Variants in KSR2 observed in about 807,000 individuals in gnomAD.
KSR2 encodes the protein kinase suppressor of ras 2.
Under a neutral mutation model 107.8 loss-of-function variants are expected in KSR2, and 25 were observed. The observed-to-expected ratio is 0.23, with a 90% CI of 0.17 to 0.32. The LOEUF is 0.32. Ranked by LOEUF, KSR2 falls within the 10% of genes least tolerant of loss-of-function variation. The pLI, the probability that KSR2 is intolerant of heterozygous loss-of-function variation, is 1.00. For synonymous variants in KSR2, 480 were observed against 507.0 expected (o/e 0.95, Z 0.71); for missense variants, 887 against 1,268.9 (o/e 0.70, Z 4.57).
chr12:117,746,008 A>G (rs1416793256), intron 4 of KSR2, among the ~76,000 whole-genome samples: 1 of 152,234 alleles, frequency 6.6e-6, no homozygotes, highest in Non-Finnish European at 1.5e-5. Context: ...TTTACTGCCC[A>G]AAGTAATTTA....
At chr12:117,731,087 C>T (rs557758307) in intron 4 of KSR2, among the ~76,000 whole-genome samples, 1,820 of 151,244 alleles carry the variant, frequency 0.012, 41 homozygotes, top group African/African-American at 0.042. Context: ...GGCCACCCAT[C>T]GTCTGGGATG....
intron 5 of KSR2, among the ~76,000 whole-genome samples, chr12:117,626,766 C>T (rs1882543062): frequency 6.6e-6 from 1 of 152,104 alleles, no homozygotes; most frequent in Admixed American, 6.6e-5. Flanking sequence ...TCCTTGGTAA[C>T]CTTCTGTCTC....
chr12:117,779,808 T>A (rs1278338617), intron 3 of KSR2, among the ~76,000 whole-genome samples: 1 of 152,230 alleles, frequency 6.6e-6, no homozygotes, highest in Non-Finnish European at 1.5e-5. Context: ...ATAAGTCAAT[T>A]AAACTCTTTC....
At chr12:117,702,334 G>A (rs913190542) in intron 4 of KSR2, among the ~76,000 whole-genome samples, 3 of 152,144 alleles carry the variant, frequency 2.0e-5, no homozygotes, top group Non-Finnish European at 4.4e-5. Context: ...TTCCACGAGG[G>A]TGGGGACCAT....
chr12:117,577,373 G>T (rs947450135), intron 7 of KSR2, among the ~76,000 whole-genome samples: 1 of 151,762 alleles, frequency 6.6e-6, no homozygotes, highest in Non-Finnish European at 1.5e-5. Context: ...GAGAGGGGGG[G>T]AGAGATTGAG....
chr12:117,727,471 AAAG>A (rs59828454), intron 4 of KSR2, among the ~76,000 whole-genome samples: 57,157 of 150,456 alleles, frequency 0.38, 12,769 homozygotes, highest in Admixed American at 0.54. Context: ...AGAGGAGGAG[AAAG>A]AAGAAGGAGG....
At chr12:117,628,030 G>A (rs907125977) in intron 5 of KSR2, among the ~76,000 whole-genome samples, 6 of 152,086 alleles carry the variant, frequency 3.9e-5, no homozygotes, top group Non-Finnish European at 8.8e-5. Flanking sequence ...CGAAGTTCTC[G>A]TGCCATGGTT....
At chr12:117,735,875 C>T (rs749898252) in intron 4 of KSR2, among the ~76,000 whole-genome samples, 5 of 152,136 alleles carry the variant, frequency 3.3e-5, no homozygotes, top group Non-Finnish European at 5.9e-5. Flanking sequence ...AAACTATTTG[C>T]TCAAAATGAC....
At chr12:117,875,111 T>C (rs977656335) in intron 1 of KSR2, among the ~76,000 whole-genome samples, 2 of 152,172 alleles carry the variant, frequency 1.3e-5, no homozygotes, top group Non-Finnish European at 2.9e-5. Flanking sequence ...TACTGTACTC[T>C]GTATTAGCAT....
At chr12:117,757,561 GTCTA>G (rs1158503678) in intron 4 of KSR2, among the ~76,000 whole-genome samples, 3 of 152,184 alleles carry the variant, frequency 2.0e-5, no homozygotes, top group African/African-American at 4.8e-5. Flanking sequence ...GAAAGGAAGA[GTCTA>G]TCTATGTAGA....
At chr12:117,728,848 G>A (rs933368235) in intron 4 of KSR2, among the ~76,000 whole-genome samples, 12 of 152,202 alleles carry the variant, frequency 7.9e-5, no homozygotes, top group Non-Finnish European at 1.2e-4. Flanking sequence ...GTGACGAAGG[G>A]TTGAATATCA....
intron 1 of KSR2, among the ~76,000 whole-genome samples, chr12:117,953,742 G>C (rs1191225353): frequency 6.6e-6 from 1 of 152,098 alleles, no homozygotes; most frequent in East Asian, 1.9e-4. Flanking sequence ...TAGTGGTAAT[G>C]GTTACACAAC....
At chr12:117,601,306 G>GGT (rs1475119121) in intron 5 of KSR2, among the ~76,000 whole-genome samples, 14 of 139,044 alleles carry the variant, frequency 1.0e-4, no homozygotes, top group Admixed American at 1.0e-3. Context: ...GGGGGGGGGG[G>GGT]TACCTAATTA....
At position 117,761,225 on chromosome 12, in the gene KSR2, C is replaced by A; in HGVS notation, c.772G>T (p.Val258Phe). Residue 258 changes from valine to phenylalanine, a missense_variant, in exon 4 of 20, where the codon GTC becomes TTC. Val to Phe is a conservative substitution (Grantham distance 50). Around this residue, in one of 8 missense-constraint regions of KSR2, gnomAD observed 399 missense variants for 479.5 expected, o/e 0.83. Transcript: ENST00000339824. ...LPPSPRQRHAVRTPPRTPNIV... is the reference protein window; with the variant it reads ...LPPSPRQRHAFRTPPRTPNIV... ...TTGGGGGTGCGCGGCGGGGTGCGGA[C>A]CGCGTGCCGCTGCCGGGGCGATGGG... The A allele has an allele frequency of 1.9e-6, 3 of 1,548,510 alleles. No homozygotes were observed. The highest frequency in any genetic ancestry group is 2.6e-6 in the Non-Finnish European group (3 of 1,148,434).
intron 1 of KSR2, among the ~76,000 whole-genome samples, chr12:117,886,647 G>A (rs560235775): frequency 2.6e-4 from 39 of 152,100 alleles, no homozygotes; most frequent in African/African-American, 5.1e-4. Context: ...TTCTCAGAAC[G>A]TATCCCCGTC....
rs1295701886 is a variant in KSR2 at position 117,472,475 on chromosome 12, T to G, written c.2583-1155A>C. On this transcript the variant is annotated intron_variant, in intron 17 of 19. Transcript: ENST00000339824. ...GCTTTGAGCACAAGATTCCCCAACTTAGGAAATATCTGAAACAATCCTAGA... is the reference window on the plus strand; with the variant it reads ...GCTTTGAGCACAAGATTCCCCAACTGAGGAAATATCTGAAACAATCCTAGA... Among the ~76,000 whole-genome samples, 3 of 152,192 alleles carry G rather than the reference T, an allele frequency of 2.0e-5. No individual in the cohort carries two copies. In the East Asian group the frequency reaches 5.8e-4, roughly 29 times the overall value.
chr12:117,948,022 C>T (rs1896252095), intron 1 of KSR2, among the ~76,000 whole-genome samples: 1 of 152,040 alleles, frequency 6.6e-6, no homozygotes, highest in South Asian at 2.1e-4. Flanking sequence ...TATAGACAGG[C>T]TGATCCTAAA....
chr12:117,650,224 C>A (rs112835722), intron 5 of KSR2, among the ~76,000 whole-genome samples: 2 of 152,126 alleles, frequency 1.3e-5, no homozygotes, highest in South Asian at 4.1e-4. Context: ...ATGGGCCTAG[C>A]CTCCCAGCCT....
chr12:117,770,276 C>T (rs1013638618), intron 3 of KSR2, among the ~76,000 whole-genome samples: 2 of 152,018 alleles, frequency 1.3e-5, no homozygotes, highest in East Asian at 3.9e-4. Flanking sequence ...CCTTATAAGA[C>T]GAGGAGAAGA....
Sources: gnomAD v4.1 joint callset for allele counts (sites outside exome capture counted in the v4.1 genomes callset) on GRCh38, gnomAD v4.1.1 for gene constraint, gnomAD v4.1.1 regional missense constraint, MANE v1.5 for transcripts, NCBI Gene and HGNC (gene_info 2026-07-23, HGNC 2026-07-21) for gene names.